SCN8A: variants seen among roughly 807,000 people sequenced by gnomAD.
The protein encoded by SCN8A is sodium voltage-gated channel alpha subunit 8.
In SCN8A, 30 loss-of-function variants were observed where a neutral mutation model predicts 184.1. That is an observed-to-expected ratio of 0.16 (90% CI 0.12 to 0.22). The LOEUF (loss-of-function observed/expected upper bound fraction) is 0.22. SCN8A is among the 10% of genes least tolerant of loss of function. The pLI, the probability that SCN8A is intolerant of heterozygous loss-of-function variation, is 1.00. For synonymous variants in SCN8A, 852 were observed against 907.0 expected (o/e 0.94, Z 1.09); for missense variants, 1,057 against 2,498.9 (o/e 0.42, Z 12.30).
intron 14 of SCN8A, among the ~76,000 whole-genome samples, chr12:51,761,278 T>C (rs995064718): frequency 1.3e-5 from 2 of 151,950 alleles, no homozygotes; most frequent in African/African-American, 4.8e-5. Context: ...AAATGGGAGA[T>C]GGGTAACATA....
At chr12:51,762,991 C>T (rs1942783711) in intron 15 of SCN8A, among the ~76,000 whole-genome samples, 1 of 152,024 alleles carries the variant, frequency 6.6e-6, no homozygotes, top group South Asian at 2.1e-4. Flanking sequence ...AAATGAACTC[C>T]CCCAAGGCCC....
At chr12:51,629,039 T>C (rs958507689) in intron 1 of SCN8A, among the ~76,000 whole-genome samples, 36 of 152,156 alleles carry the variant, frequency 2.4e-4, no homozygotes, top group Admixed American at 2.4e-3. Flanking sequence ...AGAACTGCCA[T>C]GCAGAACAGG....
intron 26 of SCN8A, among the ~76,000 whole-genome samples, chr12:51,799,934 C>T (rs1163132965): frequency 6.6e-6 from 1 of 152,212 alleles, no homozygotes; most frequent in Non-Finnish European, 1.5e-5. Flanking sequence ...TATTTCCCAT[C>T]CCCTGGCACC....
intron 11 of SCN8A, among the ~76,000 whole-genome samples, chr12:51,712,249 TC>T (rs1413052881): frequency 6.6e-6 from 1 of 152,196 alleles, no homozygotes; most frequent in Non-Finnish European, 1.5e-5. Flanking sequence ...TAGCTGCACT[TC>T]CTGCAAACTG....
intron 2 of SCN8A, among the ~76,000 whole-genome samples, chr12:51,669,295 G>A (rs768560825): frequency 1.3e-5 from 2 of 151,892 alleles, no homozygotes; most frequent in Non-Finnish European, 2.9e-5. Flanking sequence ...TTTAGTTCCG[G>A]CTTTGCTTCA....
chr12:51,780,908 C>G, intron 21 of SCN8A, 137 bp downstream of exon 21: 6 of 1,107,214 alleles, frequency 5.4e-6, no homozygotes, highest in Non-Finnish European at 7.0e-6. Flanking sequence ...TCCACTCTCT[C>G]CCCCACACCT....
At chr12:51,651,956 T>C (rs1940723393) in intron 1 of SCN8A, among the ~76,000 whole-genome samples, 1 of 152,138 alleles carries the variant, frequency 6.6e-6, no homozygotes. Context: ...AACAGGTGCT[T>C]AGCTGGTGGT....
At chr12:51,799,212 G>A (rs968610540) in intron 26 of SCN8A, among the ~76,000 whole-genome samples, 2 of 152,178 alleles carry the variant, frequency 1.3e-5, no homozygotes, top group African/African-American at 2.4e-5. Flanking sequence ...GGGACCATGG[G>A]CATTTGAGCT....
At position 51,807,524 on chromosome 12, in the gene SCN8A, G is replaced by A. The variant is rs1938744036; in HGVS notation, c.*95G>A. The stretch of plus-strand genomic sequence containing the variant: ...AATATTATCAATGCAGAACAGCTGT[G>A]GAGACTCTAACCTGAAGATCTATAC... On this transcript the variant is annotated 3_prime_UTR_variant, in exon 27 of 27. Coordinates refer to ENST00000627620, the MANE Select transcript of SCN8A (RefSeq NM_001330260.2). This position sits in a 1 kb window ranked among gnomAD's most constrained non-coding sequence, Gnocchi z 4.5. The A allele has an allele frequency of 1.5e-6, 2 of 1,298,886 alleles. No individual in the cohort carries two copies. The highest frequency in any genetic ancestry group is 4.0e-5 in the Admixed American group (2 of 50,298). The allele number at this position is 1,298,886 out of a possible 1,614,324, so 80.5% of individuals were successfully genotyped here.
At chr12:51,609,774 A>G (rs1225288650) in intron 1 of SCN8A, among the ~76,000 whole-genome samples, 2 of 130,270 alleles carry the variant, frequency 1.5e-5, no homozygotes, top group African/African-American at 2.9e-5. Flanking sequence ...ATGAGAACAC[A>G]TGGACACAGG....
chr12:51,652,215 A>G (rs968331341), intron 1 of SCN8A, among the ~76,000 whole-genome samples: 1 of 151,890 alleles, frequency 6.6e-6, no homozygotes, highest in Non-Finnish European at 1.5e-5. Context: ...CCCTTTGCTC[A>G]TGATTTGGGT....
At position 51,720,000 on chromosome 12, in the gene SCN8A, T is replaced by C. The variant is rs1488215410; in HGVS notation, c.1636-1546T>C. Among the ~76,000 whole-genome samples the C allele has an allele frequency of 2.7e-4, 37 of 137,020 alleles. No individual in the cohort carries two copies. In the East Asian group the frequency reaches 3.7e-3, roughly 14 times the overall value. The allele number at this position is 137,020 out of a possible 152,430, so 89.9% of individuals were successfully genotyped here. A position where few individuals can be genotyped will look rare whatever the true frequency, so the allele number is the denominator to read the frequency against. On this transcript the variant is annotated intron_variant, in intron 11 of 26. Coordinates refer to ENST00000627620, the MANE Select transcript of SCN8A (RefSeq NM_001330260.2). ...CTGAGGCAGGAGAATGGCGTGAACC[T>C]GGCAGGCGGAGCTTGCAGTGAGCCG...
At chr12:51,616,349 G>T (rs567976134) in intron 1 of SCN8A, among the ~76,000 whole-genome samples, 1 of 152,180 alleles carries the variant, frequency 6.6e-6, no homozygotes, top group East Asian at 1.9e-4. Context: ...GTTTCACTGG[G>T]CTAGGCCAGG....
chr12:51,784,486 G>A (rs1938021446), intron 21 of SCN8A, among the ~76,000 whole-genome samples: 2 of 151,950 alleles, frequency 1.3e-5, no homozygotes, highest in South Asian at 4.2e-4. Context: ...ACCTGAGAAG[G>A]GCCTCCCCTT....
intron 16 of SCN8A, among the ~76,000 whole-genome samples, chr12:51,767,277 G>T: frequency 6.6e-6 from 1 of 152,084 alleles, no homozygotes. Context: ...TTGTCTCAAA[G>T]ACATCTCCCC....
chr12:51,807,895 C>G lies in SCN8A; in HGVS notation c.*466C>G, dbSNP rs979654583. On this transcript the variant is annotated 3_prime_UTR_variant, in exon 27 of 27. Transcript: ENST00000627620. This position sits in a 1 kb window ranked among gnomAD's most constrained non-coding sequence, Gnocchi z 4.5. ...AAGCAGCAAAAAGAAAACACACACACACACTCACATTTAGCCCATGTCATT... is the reference window on the plus strand; with the variant it reads ...AAGCAGCAAAAAGAAAACACACACAGACACTCACATTTAGCCCATGTCATT... The G allele has an allele frequency of 1.5e-5, 3 of 194,784 alleles. No homozygotes were observed. The highest frequency in any genetic ancestry group is 7.1e-5 in the African/African-American group (3 of 42,256). The allele number at this position is 194,784 out of a possible 1,614,324, so 12.1% of individuals were successfully genotyped here.
rs796653928 is a variant in SCN8A at position 51,663,903 on chromosome 12, A to AT, written c.276+834dup. Among the ~76,000 whole-genome samples the AT allele has an allele frequency of 7.7e-3, 537 of 69,802 alleles. 26 individuals are homozygous for AT. Among genetic ancestry groups the AT allele is most frequent in the African/African-American group, 0.02 (406 of 20,726 alleles). The allele number at this position is 69,802 out of a possible 152,430, so 45.8% of individuals were successfully genotyped here. A position where few individuals can be genotyped will look rare whatever the true frequency, so the allele number is the denominator to read the frequency against. Reference sequence around the variant, plus strand: ...TTTTAGGGAACCCCTCATTTGACAGATTTTTTTTTTTTTTTTTTTTTTTTG... The same window carrying AT: ...TTTTAGGGAACCCCTCATTTGACAGATTTTTTTTTTTTTTTTTTTTTTTTTG... On this transcript the variant is annotated intron_variant, in intron 2 of 26. Transcript: ENST00000627620.
chr12:51,721,997 C>A (rs1942076660), intron 12 of SCN8A, 89 bp downstream of exon 12: 2 of 1,585,250 alleles, frequency 1.3e-6, no homozygotes, highest in South Asian at 1.1e-5. Flanking sequence ...CCCGCTCCTT[C>A]CCCTCCTCTT....
At chr12:51,592,912 T>C (rs1180302060) in intron 1 of SCN8A, among the ~76,000 whole-genome samples, 1 of 152,066 alleles carries the variant, frequency 6.6e-6, no homozygotes, top group East Asian at 1.9e-4. Context: ...CCACGTGCAT[T>C]AGAAGATGTG....
Sources: gnomAD v4.1 joint callset for allele counts (sites outside exome capture counted in the v4.1 genomes callset) on GRCh38, gnomAD v4.1.1 for gene constraint, Gnocchi (gnomAD v3.1) non-coding constraint, MANE v1.5 for transcripts, NCBI Gene and HGNC (gene_info 2026-07-23, HGNC 2026-07-21) for gene names.